The following WDR48 variants were observed in gnomAD, a reference collection of about 807,000 sequenced individuals.
The protein encoded by WDR48 is WD repeat-containing protein 48.
In WDR48, 22 loss-of-function variants were observed where a neutral mutation model predicts 94.0. The ratio of observed to expected loss-of-function variants is 0.23; its 90% confidence interval spans 0.17 to 0.33. The LOEUF (loss-of-function observed/expected upper bound fraction) is 0.33. Ranked by LOEUF, WDR48 falls within the 10% of genes least tolerant of loss-of-function variation. The pLI, the probability that WDR48 is intolerant of heterozygous loss-of-function variation, is 1.00. For synonymous variants in WDR48, 278 were observed against 280.5 expected, an observed-to-expected ratio of 0.99 and a Z score of 0.09; for missense variants, 541 against 813.8, an observed-to-expected ratio of 0.66 and a Z score of 4.08.
intron 1 of WDR48, 176 bp downstream of exon 1, chr3:39,052,249 G>A (rs1345343965): frequency 5.6e-6 from 4 of 719,976 alleles, no homozygotes; most frequent in Admixed American, 6.5e-5. Flanking sequence ...GAAGGGGCGG[G>A]GGTCGGCTTG....
At chr3:39,091,543 C>CT (rs1237928519) in intron 16 of WDR48, 82 bp from the exon 17 acceptor site, 5 of 1,015,444 alleles carry the variant, frequency 4.9e-6, no homozygotes, top group Admixed American at 3.1e-5. Context: ...TTATTACTTG[C>CT]AAGTCATGTT....
At chr3:39,062,869 G>A (rs555543762) in intron 1 of WDR48, among the ~76,000 whole-genome samples, 181 bp from the exon 2 acceptor site, 4 of 152,292 alleles carry the variant, frequency 2.6e-5, no homozygotes, top group South Asian at 2.1e-4. Flanking sequence ...GGCTATCATT[G>A]ATACCATCCT....
intron 18 of WDR48, 187 bp from the exon 19 acceptor site, chr3:39,094,461 A>G (rs2035239317): frequency 6.5e-7 from 1 of 1,533,760 alleles, no homozygotes; most frequent in Non-Finnish European, 8.7e-7. Context: ...CATAGTCACA[A>G]AAGATGTACA....
chr3:39,082,047 G>A lies in WDR48; in HGVS notation c.1174-2108G>A, dbSNP rs1442359719. 2.0e-5 allele frequency among the ~76,000 whole-genome samples: 3 copies of A among 152,360 alleles called. No individual in the cohort carries two copies. The South Asian group carries it at 6.2e-4, about 32-fold the overall frequency. ...CTTGGCTGTGCCAAATACTCGCCAA[G>A]TGATCTACGGAATATGCTAGGGAAC... On this transcript the variant is annotated intron_variant, in intron 11 of 18. Coordinates refer to ENST00000302313, the MANE Select transcript of WDR48 (RefSeq NM_020839.4).
At chr3:39,053,071 G>T (rs1380739716) in intron 1 of WDR48, among the ~76,000 whole-genome samples, 1 of 152,098 alleles carries the variant, frequency 6.6e-6, no homozygotes, top group African/African-American at 2.4e-5. Flanking sequence ...AGTGATGCAG[G>T]GAATAAAAGC....
Position 39,069,644 on chromosome 3 carries a change from T to A in WDR48, c.572T>A (p.Val191Glu). 3 of 1,611,298 alleles carry A rather than the reference T, an allele frequency of 1.9e-6. No homozygotes were observed. The highest frequency in any genetic ancestry group is 2.5e-6 in the Non-Finnish European group (3 of 1,178,294). ...TIIVSGSTEK[V>E]LRVWDPRTCA... ...GTAATACTCTATTAAAATTCACAGG[T>A]GTTACGGGTATGGGATCCAAGAACA... The change falls in exon 7 of 19, where the codon GTG (valine) becomes GAG (glutamate). Residue 191 changes from valine (V) to glutamate (E), a missense_variant and splice_region_variant. By Grantham distance (121) the Val-to-Glu change is moderately radical (BLOSUM62 -2). Transcript: ENST00000302313.
At chr3:39,091,248 G>C in intron 16 of WDR48, 1 of 162,442 alleles carries the variant, frequency 6.2e-6, no homozygotes, top group East Asian at 1.9e-4. Flanking sequence ...GCTCAAAGGT[G>C]AATGCTGTGG....
chr3:39,087,223 G>A (rs967375647), intron 14 of WDR48, among the ~76,000 whole-genome samples: 3 of 152,208 alleles, frequency 2.0e-5, no homozygotes, highest in Non-Finnish European at 4.4e-5. Context: ...TCACCCACCT[G>A]TGCTGGGTCA....
At chr3:39,056,341 T>C (rs2032886107) in intron 1 of WDR48, among the ~76,000 whole-genome samples, 2 of 152,246 alleles carry the variant, frequency 1.3e-5, no homozygotes, top group Non-Finnish European at 2.9e-5. Context: ...AAAGTTCCAG[T>C]ATCTGACTCA....
At chr3:39,078,002 A>G (rs914548287) in intron 9 of WDR48, 135 bp from the exon 10 acceptor site, 9 of 617,190 alleles carry the variant, frequency 1.5e-5, no homozygotes, top group Admixed American at 6.2e-5. Context: ...ACTGTGACCA[A>G]ATATTTTTCG....
At chr3:39,084,535 T>A (rs907357786) in intron 12 of WDR48, 110 bp from the exon 13 acceptor site, 1 of 955,550 alleles carries the variant, frequency 1.0e-6, no homozygotes, top group Non-Finnish European at 1.5e-6. Context: ...TTTTGGTTCC[T>A]GAATTTATGA....
At chr3:39,054,818 AAG>A (rs140716521) in intron 1 of WDR48, among the ~76,000 whole-genome samples, 4,372 of 152,166 alleles carry the variant, frequency 0.029, 209 homozygotes, top group African/African-American at 0.1. Context: ...GGAGGCCTCA[AAG>A]AGAGAGAGAG....
Position 39,088,142 on chromosome 3 carries a change from G to C in WDR48, c.1489G>C (p.Glu497Gln). 1 of 1,614,086 alleles carries C rather than the reference G, an allele frequency of 6.2e-7. No homozygotes were observed. The highest frequency in any genetic ancestry group is 1.1e-5 in the South Asian group (1 of 91,074). ...TCTTTTCCTAGTAAATGGGGAGCAG[G>C]AGAACCGAGTGCAGAAGGGAAATGG... ...NEVNHVNGEQENRVQKGNGYF... is the reference protein window; with the variant it reads ...NEVNHVNGEQQNRVQKGNGYF... Residue 497 changes from glutamate to glutamine, a missense_variant, in exon 15 of 19, where the codon GAG (glutamate) becomes CAG (glutamine). Transcript: ENST00000302313.
chr3:39,083,588 T>A (rs58258662), intron 11 of WDR48, among the ~76,000 whole-genome samples: 1 of 151,622 alleles, frequency 6.6e-6, no homozygotes, highest in Non-Finnish European at 1.5e-5. Context: ...CTGAGGATAA[T>A]GGGGAAGGTG....
chr3:39,079,853 C>A (rs753681061), intron 11 of WDR48, 45 bp downstream of exon 11: 10 of 1,155,036 alleles, frequency 8.7e-6, no homozygotes, highest in South Asian at 8.5e-5. Context: ...AGATTGTATA[C>A]CCCCTTTATT....
chr3:39,054,442 C>T (rs1202930848), intron 1 of WDR48, among the ~76,000 whole-genome samples: 3 of 152,214 alleles, frequency 2.0e-5, no homozygotes, highest in Admixed American at 6.5e-5. Flanking sequence ...CAAATGTCCC[C>T]TCAAGGGCAA....
rs1166678532 is a variant in WDR48, at chr3:39,074,961, T to C, written c.897+11T>C. The C allele has an allele frequency of 1.2e-6, 2 of 1,611,594 alleles. No individual in the cohort carries two copies. The highest frequency in any genetic ancestry group is 1.7e-6 in the Non-Finnish European group (2 of 1,178,924). On this transcript the variant is annotated intron_variant, in intron 8 of 18. Transcript: ENST00000302313. ...GCACCAGTTCTCAAGGTATGTCATA[T>C]GTTAATATTTTAGTTTTATAATTAA...
intron 1 of WDR48, among the ~76,000 whole-genome samples, chr3:39,060,886 G>A (rs1407641585): frequency 6.6e-6 from 1 of 152,228 alleles, no homozygotes; most frequent in East Asian, 1.9e-4. Flanking sequence ...AGAATTGCTT[G>A]AACCTGGGAG....
At chr3:39,088,666 C>T (rs1207750522) in intron 15 of WDR48, among the ~76,000 whole-genome samples, 1 of 152,178 alleles carries the variant, frequency 6.6e-6, no homozygotes, top group African/African-American at 2.4e-5. Context: ...GAGGCTGACA[C>T]TGACACTGCC....
Sources: gnomAD v4.1 joint callset for allele counts (sites outside exome capture counted in the v4.1 genomes callset) on GRCh38, gnomAD v4.1.1 for gene constraint, MANE v1.5 for transcripts, NCBI Gene and HGNC (gene_info 2026-07-23, HGNC 2026-07-21) for gene names.